Variants in DCDC2C observed in about 807,000 individuals in gnomAD.
DCDC2C encodes doublecortin domain-containing protein 2C.
DCDC2C carries 44 observed loss-of-function variants against 45.0 expected under a neutral mutation model. The observed-to-expected ratio is 0.98, with a 90% confidence interval of 0.77 to 1.26. The LOEUF (loss-of-function observed/expected upper bound fraction) is 1.26. Ranked by LOEUF, DCDC2C falls within the 50% of genes most tolerant of loss-of-function variation. The probability of loss-of-function intolerance (pLI) is 0.00; values close to 1 mark genes in which losing one functional copy is unlikely to be tolerated. For missense variants in DCDC2C, 447 were observed against 468.9 expected (o/e 0.95, Z 0.43); for synonymous variants, 187 against 178.8 (o/e 1.05, Z -0.37).
intron 3 of DCDC2C, among the ~76,000 whole-genome samples, chr2:3,737,330 C>T (rs1669059538): frequency 6.6e-6 from 1 of 152,190 alleles, no homozygotes; most frequent in African/African-American, 2.4e-5. Context: ...CATTAGGCGA[C>T]CTTCACCCCA....
At chr2:3,781,769 C>T (rs138539603) in intron 9 of DCDC2C, among the ~76,000 whole-genome samples, 219 of 152,130 alleles carry the variant, frequency 1.4e-3, no homozygotes, top group Middle Eastern at 3.4e-3. Flanking sequence ...CCCTGGGAGG[C>T]TGAGGTGAGA....
At chr2:3,846,208 C>T (rs1307637414) in intron 10 of DCDC2C, among the ~76,000 whole-genome samples, 1 of 151,728 alleles carries the variant, frequency 6.6e-6, no homozygotes, top group Non-Finnish European at 1.5e-5. Context: ...CACCCCCGTC[C>T]TCCTGTTCTT....
intron 4 of DCDC2C, among the ~76,000 whole-genome samples, chr2:3,744,520 T>C (rs1350913805): frequency 6.6e-6 from 1 of 152,110 alleles, no homozygotes; most frequent in Non-Finnish European, 1.5e-5. Context: ...TCTTTCAGGC[T>C]GAGAAGTGGG....
intron 4 of DCDC2C, among the ~76,000 whole-genome samples, chr2:3,750,636 C>G (rs1278825675): frequency 6.6e-6 from 1 of 152,168 alleles, no homozygotes; most frequent in Non-Finnish European, 1.5e-5. Context: ...CCAGGTCTTT[C>G]TCCCCAGTGC....
chr2:3,837,033 C>T (rs900337628), intron 10 of DCDC2C, among the ~76,000 whole-genome samples: 4 of 152,116 alleles, frequency 2.6e-5, no homozygotes, highest in Non-Finnish European at 5.9e-5. Context: ...GTCTACAGAG[C>T]GGAGGAAAAA....
intron 2 of DCDC2C, among the ~76,000 whole-genome samples, chr2:3,726,387 G>A (rs114092172): frequency 0.017 from 2,604 of 152,158 alleles, 97 homozygotes; most frequent in African/African-American, 0.059. Context: ...AGGATGACAG[G>A]CTTTGCTTAC....
chr2:3,742,075 G>A (rs1669232026), intron 4 of DCDC2C, 27 bp downstream of exon 4: 4 of 1,502,328 alleles, frequency 2.7e-6, no homozygotes, highest in Non-Finnish European at 3.6e-6. Context: ...CTTTAGGACA[G>A]CCAGGGGGCG....
chr2:3,778,681 G>A, intron 8 of DCDC2C, 135 bp from the exon 9 acceptor site: 1 of 734,052 alleles, frequency 1.4e-6, no homozygotes, highest in East Asian at 2.8e-5. Context: ...TCCTGCATCT[G>A]GAGAAACTGC....
At chr2:3,765,108 A>G (rs183181301) in intron 6 of DCDC2C, among the ~76,000 whole-genome samples, 2 of 152,330 alleles carry the variant, frequency 1.3e-5, no homozygotes, top group Non-Finnish European at 2.9e-5. Context: ...CAGATAAAAT[A>G]TGTACTTAAT....
At chr2:3,789,290 C>T (rs1670744344) in intron 10 of DCDC2C, among the ~76,000 whole-genome samples, 1 of 152,222 alleles carries the variant, frequency 6.6e-6, no homozygotes, top group Admixed American at 6.5e-5. Flanking sequence ...GGCCTTTTTC[C>T]TGCCCTATTT....
At chr2:3,715,051 C>G (rs551005182) in intron 2 of DCDC2C, among the ~76,000 whole-genome samples, 1 of 152,304 alleles carries the variant, frequency 6.6e-6, no homozygotes, top group South Asian at 2.1e-4. Context: ...TTGACATGTA[C>G]ACATATACCT....
At chr2:3,767,991 T>C in intron 7 of DCDC2C, 111 bp downstream of exon 7, 1 of 1,157,192 alleles carries the variant, frequency 8.6e-7, no homozygotes, top group Non-Finnish European at 1.2e-6. Flanking sequence ...TTGTTTGACT[T>C]GTAACTATCT....
intron 10 of DCDC2C, among the ~76,000 whole-genome samples, chr2:3,841,761 A>G (rs2034728): frequency 0.55 from 82,120 of 149,988 alleles, 22,449 homozygotes; most frequent in South Asian, 0.64. Flanking sequence ...ATTAGCAGAG[A>G]GTCGCTTCGC....
chr2:3,747,760 C>T (rs1324273554), intron 4 of DCDC2C, among the ~76,000 whole-genome samples: 1 of 152,106 alleles, frequency 6.6e-6, no homozygotes, highest in Non-Finnish European at 1.5e-5. Context: ...CCATCTAAGC[C>T]CTGAGGGGAT....
rs1669581680 is a variant in DCDC2C, at chr2:3,752,825, A to T, written c.608A>T (p.Tyr203Phe). The change falls in exon 5 of 11, where the codon TAT (tyrosine) becomes TTT (phenylalanine). Residue 203 changes from tyrosine to phenylalanine, a missense_variant. Tyr to Phe is a conservative substitution (Grantham distance 22, BLOSUM62 3). Transcript: ENST00000399143. ...DSKDLQDNHFYVAVGLETFKY... is the reference protein window; with the variant it reads ...DSKDLQDNHFFVAVGLETFKY... ...AAGGATTTGCAAGACAATCACTTTTATGTTGCTGTGGGACTGGAGACCTTC... is the reference window on the plus strand; with the variant it reads ...AAGGATTTGCAAGACAATCACTTTTTTGTTGCTGTGGGACTGGAGACCTTC... The T allele has an allele frequency of 3.9e-6, 6 of 1,550,386 alleles. No homozygotes were observed. The highest frequency in any genetic ancestry group is 5.2e-6 in the Non-Finnish European group (6 of 1,146,934).
At chr2:3,777,920 T>A (rs1218473080) in intron 8 of DCDC2C, among the ~76,000 whole-genome samples, 1 of 152,246 alleles carries the variant, frequency 6.6e-6, no homozygotes, top group Non-Finnish European at 1.5e-5. Flanking sequence ...CCTTCCCTGA[T>A]GACAGGTGAG....
At chr2:3,769,881 C>T (rs1670117719) in intron 8 of DCDC2C, among the ~76,000 whole-genome samples, 1 of 152,140 alleles carries the variant, frequency 6.6e-6, no homozygotes. Flanking sequence ...TTTCCTTATC[C>T]ATAGATGGGG....
intron 2 of DCDC2C, among the ~76,000 whole-genome samples, chr2:3,713,080 G>A (rs1013933040): frequency 6.6e-6 from 1 of 152,100 alleles, no homozygotes; most frequent in African/African-American, 2.4e-5. Context: ...AGTAGAGCTT[G>A]GACTAAAATC....
chr2:3,750,988 A>G (rs1387379043), intron 4 of DCDC2C, among the ~76,000 whole-genome samples: 1 of 152,132 alleles, frequency 6.6e-6, no homozygotes, highest in Admixed American at 6.5e-5. Flanking sequence ...CTCCATGTCC[A>G]TTCTACGACT....
Sources: gnomAD v4.1 joint callset for allele counts (sites outside exome capture counted in the v4.1 genomes callset) on GRCh38, gnomAD v4.1.1 for gene constraint, MANE v1.5 for transcripts, NCBI Gene and HGNC (gene_info 2026-07-23, HGNC 2026-07-21) for gene names.